Variants in PCDHA11 observed in about 807,000 individuals in gnomAD.
PCDHA11 encodes the protein protocadherin alpha-11.
Under a neutral mutation model 70.3 loss-of-function variants are expected in PCDHA11, and 61 were observed. The ratio of observed to expected loss-of-function variants is 0.87; its 90% CI spans 0.71 to 1.07. PCDHA11 has a LOEUF of 1.07. PCDHA11 is among the 50% of genes least tolerant of loss of function. The pLI, the probability that PCDHA11 is intolerant of heterozygous loss-of-function variation, is 0.00. For synonymous variants in PCDHA11, 633 were observed against 555.1 expected (o/e 1.14, Z -1.97); for missense variants, 1,324 against 1,237.5 (o/e 1.07, Z -1.05).
intron 1 of PCDHA11, among the ~76,000 whole-genome samples, chr5:140,917,650 T>G (rs897307157): frequency 1.5e-4 from 23 of 152,226 alleles, no homozygotes; most frequent in African/African-American, 5.5e-4. Context: ...CCAGCAATAT[T>G]GAGTAGGAAG....
At chr5:141,005,436 G>T (rs1554260042) in intron 3 of PCDHA11, among the ~76,000 whole-genome samples, 2 of 152,080 alleles carry the variant, frequency 1.3e-5, no homozygotes, top group East Asian at 1.9e-4. Flanking sequence ...TGGATGAGAG[G>T]CTCACGCCTG....
chr5:140,870,080 C>T lies in PCDHA11; in HGVS notation c.977C>T (p.Thr326Ile), dbSNP rs2051640102. 6.2e-7 allele frequency: 1 copy of T among 1,613,722 alleles called. No individual in the cohort carries two copies. The highest frequency in any genetic ancestry group is 8.5e-7 in the Non-Finnish European group (1 of 1,179,884). Residue 326 changes from threonine to isoleucine, a missense_variant, in exon 1 of 4, where the codon ACT becomes ATT. Thr to Ile is a moderately conservative substitution (Grantham distance 89). Transcript: ENST00000398640. The part of the protein sequence containing the change: ...KIEVQATDKG[T>I]PPMAGHCTVW... ...GAAGTACAGGCTACAGATAAGGGGA[C>T]TCCCCCAATGGCAGGTCACTGTACA...
intron 1 of PCDHA11, among the ~76,000 whole-genome samples, chr5:140,898,222 T>G (rs1373386970): frequency 1.3e-5 from 2 of 152,230 alleles, no homozygotes; most frequent in Non-Finnish European, 2.9e-5. Flanking sequence ...TTTTGGCTTT[T>G]GTTGCCATTG....
intron 3 of PCDHA11, among the ~76,000 whole-genome samples, chr5:140,996,245 G>A (rs2097718426): frequency 6.6e-6 from 1 of 152,220 alleles, no homozygotes; most frequent in South Asian, 2.1e-4. Context: ...AGGCTGAGAA[G>A]TGACAGCAAC....
chr5:140,928,334 C>CT, intron 1 of PCDHA11: 1 of 1,614,158 alleles, frequency 6.2e-7, no homozygotes, highest in Non-Finnish European at 8.5e-7. Flanking sequence ...GGCCTTGTCT[C>CT]TTATGAGCTG....
chr5:140,873,153 C>T (rs2054129567), intron 1 of PCDHA11, among the ~76,000 whole-genome samples: 1 of 152,224 alleles, frequency 6.6e-6, no homozygotes, highest in East Asian at 1.9e-4. Flanking sequence ...TATTCATAGA[C>T]TTTAGATCGA....
At chr5:140,924,767 C>T (rs782265529) in intron 1 of PCDHA11, among the ~76,000 whole-genome samples, 3 of 151,618 alleles carry the variant, frequency 2.0e-5, no homozygotes, top group South Asian at 2.1e-4. Flanking sequence ...TGGTGGTGCG[C>T]GCTTGTAGTC....
intron 1 of PCDHA11, among the ~76,000 whole-genome samples, chr5:140,926,001 C>A (rs782316154): frequency 3.3e-5 from 5 of 152,302 alleles, no homozygotes; most frequent in Middle Eastern, 3.4e-3. Flanking sequence ...TCCGCTGCCT[C>A]GAAAAGCCAG....
intron 1 of PCDHA11, among the ~76,000 whole-genome samples, chr5:140,880,655 G>A (rs782616371): frequency 6.6e-6 from 1 of 152,186 alleles, no homozygotes; most frequent in African/African-American, 2.4e-5. Context: ...CCCAACTGAG[G>A]TAAAGGTGAG....
At position 140,978,994 on chromosome 5, in the gene PCDHA11, GCAGGCATGCA is replaced by G; in HGVS notation, c.2442_2450+1del. 3 of 1,614,152 alleles carry G rather than the reference GCAGGCATGCA, an allele frequency of 1.9e-6. No homozygotes were observed. The highest frequency in any genetic ancestry group is 8.5e-7 in the Non-Finnish European group (1 of 1,180,022). ...CTGGCGTTACTCTGCCTCCCTGAGA[GCAGGCATGCA>G]CAGGTATGTATTTCCCTCCTCATTC... On this transcript the variant is annotated frameshift_variant, in exon 2 of 4. Transcript: ENST00000398640. LOFTEE classifies it high-confidence loss of function.
intron 1 of PCDHA11, chr5:140,966,280 G>A (rs782249047): frequency 2.0e-4 from 74 of 365,660 alleles, no homozygotes; most frequent in Middle Eastern, 6.9e-4. Context: ...CTGGACAGTG[G>A]GGGTAGGGAG....
At chr5:140,887,101 CTT>C (rs200717289) in intron 1 of PCDHA11, among the ~76,000 whole-genome samples, 4 of 145,262 alleles carry the variant, frequency 2.8e-5, no homozygotes, top group African/African-American at 5.0e-5. Flanking sequence ...ATCTTTATCT[CTT>C]TTTTTTTTTT....
intron 1 of PCDHA11, among the ~76,000 whole-genome samples, chr5:140,916,064 T>G (rs1282899200): frequency 1.3e-5 from 2 of 152,156 alleles, no homozygotes; most frequent in African/African-American, 4.8e-5. Flanking sequence ...CCTCTCCCTG[T>G]GGCCAGTACT....
intron 2 of PCDHA11, among the ~76,000 whole-genome samples, chr5:140,981,879 A>G (rs1472110145): frequency 3.9e-5 from 6 of 152,158 alleles, no homozygotes; most frequent in Non-Finnish European, 7.3e-5. Context: ...TGCTGAATTA[A>G]TCTCTTCTGA....
chr5:140,956,497 A>G (rs2095288493), intron 1 of PCDHA11, among the ~76,000 whole-genome samples: 2 of 152,190 alleles, frequency 1.3e-5, no homozygotes, highest in Admixed American at 1.3e-4. Flanking sequence ...CCAGGGATGA[A>G]GCCTACTTGA....
intron 1 of PCDHA11, chr5:140,930,415 G>T (rs2086824319): frequency 6.6e-6 from 1 of 151,804 alleles, no homozygotes; most frequent in African/African-American, 2.4e-5. Flanking sequence ...TGAGACAGGG[G>T]TCTCACTATG....
chr5:140,882,637 G>A (rs540228460), intron 1 of PCDHA11: 1 of 1,614,234 alleles, frequency 6.2e-7, no homozygotes, highest in African/African-American at 1.3e-5. Flanking sequence ...AGGTGAAGGT[G>A]AGGGACATTA....
chr5:140,925,208 T>C (rs1201764361), intron 1 of PCDHA11, among the ~76,000 whole-genome samples: 2 of 152,190 alleles, frequency 1.3e-5, no homozygotes, highest in African/African-American at 4.8e-5. Context: ...TAATTATCGA[T>C]ACTTTTAGGC....
intron 3 of PCDHA11, among the ~76,000 whole-genome samples, chr5:140,992,876 A>G (rs1370116402): frequency 6.6e-6 from 1 of 152,178 alleles, no homozygotes; most frequent in Admixed American, 6.5e-5. Flanking sequence ...CCTCCTTGAT[A>G]TTCTAAACAA....
Sources: allele counts gnomAD v4.1 joint callset (sites outside exome capture counted in the v4.1 genomes callset), GRCh38; gene constraint gnomAD v4.1.1; transcripts MANE v1.5; gene names NCBI Gene and HGNC (gene_info 2026-07-23, HGNC 2026-07-21).